The following ADNP variants were observed in gnomAD, a reference collection of about 807,000 sequenced individuals.
ADNP encodes the protein activity-dependent neuroprotector homeobox protein.
A neutral mutation model predicts 84.9 loss-of-function variants in ADNP; 4 were observed. The observed-to-expected ratio is 0.05, with a 90% confidence interval of 0.02 to 0.11. The LOEUF (loss-of-function observed/expected upper bound fraction) is 0.11. ADNP is among the 10% of genes least tolerant of loss of function. The pLI, the probability that ADNP is intolerant of heterozygous loss-of-function variation, is 1.00. For missense variants in ADNP, 1,132 were observed against 1,326.0 expected, an observed-to-expected ratio of 0.85 and a Z score of 2.27; for synonymous variants, 554 against 468.1, an observed-to-expected ratio of 1.18 and a Z score of -2.37.
At position 50,925,596 on chromosome 20, in the gene ADNP, T is replaced by C. The variant is rs190317874; in HGVS notation, c.-90+3055A>G. Among the ~76,000 whole-genome samples the C allele has an allele frequency of 2.6e-5, 4 of 152,294 alleles. No individual in the cohort carries two copies. In the East Asian group the frequency reaches 5.8e-4, roughly 22 times the overall value. On this transcript the variant is annotated intron_variant, in intron 2 of 5. Coordinates refer to ENST00000621696, the MANE Select transcript of ADNP (RefSeq NM_001282531.3). ...CATGGACGGTTTATCAAATAAAGTATCTCAACAATCAAGGTGGAAAGTGCC... is the reference window on the plus strand; with the variant it reads ...CATGGACGGTTTATCAAATAAAGTACCTCAACAATCAAGGTGGAAAGTGCC...
chr20:50,919,915 C>T (rs545798971), intron 2 of ADNP, among the ~76,000 whole-genome samples: 6 of 152,218 alleles, frequency 3.9e-5, no homozygotes, highest in African/African-American at 1.4e-4. Flanking sequence ...GCTGCCATGT[C>T]TGGTAGGCAC....
At chr20:50,894,667 G>A (rs1205264563) in intron 5 of ADNP, among the ~76,000 whole-genome samples, 155 bp from the exon 6 acceptor site, 1 of 152,082 alleles carries the variant, frequency 6.6e-6, no homozygotes, top group East Asian at 1.9e-4. Context: ...GGCTGAGGTG[G>A]GTGGATCACC....
At chr20:50,909,430 G>C (rs1982830062) in intron 2 of ADNP, 1 of 131,300 alleles carries the variant, frequency 7.6e-6, no homozygotes, top group African/African-American at 2.8e-5. Context: ...ACACCAAGGA[G>C]AACTAGCTCC....
intron 2 of ADNP, among the ~76,000 whole-genome samples, chr20:50,916,029 A>C (rs766433183): frequency 6.6e-6 from 1 of 152,234 alleles, no homozygotes; most frequent in Non-Finnish European, 1.5e-5. Flanking sequence ...TGATAATAAA[A>C]GATAACCAAA....
At chr20:50,918,591 G>A (rs13043652) in intron 2 of ADNP, among the ~76,000 whole-genome samples, 2 of 152,172 alleles carry the variant, frequency 1.3e-5, no homozygotes, top group African/African-American at 4.8e-5. Flanking sequence ...GGCAATGAAG[G>A]CCCTGATTCA....
At chr20:50,897,652 TCTCC>T (rs1174462582) in intron 5 of ADNP, among the ~76,000 whole-genome samples, 1 of 152,096 alleles carries the variant, frequency 6.6e-6, no homozygotes, top group African/African-American at 2.4e-5. Context: ...CTTCTCAGTG[TCTCC>T]CTAAGCTGCG....
intron 2 of ADNP, among the ~76,000 whole-genome samples, chr20:50,920,808 C>T (rs920086162): frequency 3.3e-5 from 5 of 152,146 alleles, no homozygotes; most frequent in Admixed American, 1.3e-4. Context: ...TACTATTTTC[C>T]TGGACAAAAA....
intron 5 of ADNP, among the ~76,000 whole-genome samples, chr20:50,900,656 A>G (rs1259139949): frequency 6.6e-6 from 1 of 152,262 alleles, no homozygotes; most frequent in Non-Finnish European, 1.5e-5. Context: ...GTGGTGAATG[A>G]CTGCGGTAAA....
At chr20:50,910,634 A>T (rs1053553469) in intron 2 of ADNP, among the ~76,000 whole-genome samples, 1 of 152,142 alleles carries the variant, frequency 6.6e-6, no homozygotes, top group African/African-American at 2.4e-5. Flanking sequence ...ATGCCATCTG[A>T]TGAACTACAT....
intron 4 of ADNP, among the ~76,000 whole-genome samples, chr20:50,903,127 AGGTAGCTAT>A (rs766189870): frequency 5.4e-4 from 82 of 152,340 alleles, no homozygotes; most frequent in Admixed American, 1.1e-3. Flanking sequence ...TGGATAAACA[AGGTAGCTAT>A]GTTCCCTAGC....
chr20:50,891,600 C>T lies in ADNP; in HGVS notation c.3114G>A (p.Gly1038=), dbSNP rs1980729912. The change falls in exon 6 of 6, where the codon GGG becomes GGA. Residue 1038 remains glycine, a synonymous_variant. Transcript: ENST00000621696. ...WKNSSYGKVE[G]FWSKDQSQWK... ...ACTGTGACTGGTCCTTAGACCAAAA[C>T]CCTTCAACTTTTCCATAGGAACTAT... 1 of 1,613,790 alleles carries T rather than the reference C, an allele frequency of 6.2e-7. No homozygotes were observed. The highest frequency in any genetic ancestry group is 8.5e-7 in the Non-Finnish European group (1 of 1,180,034).
chr20:50,919,976 C>T (rs1983832902), intron 2 of ADNP, among the ~76,000 whole-genome samples: 2 of 152,018 alleles, frequency 1.3e-5, no homozygotes, highest in African/African-American at 4.8e-5. Flanking sequence ...ATTCTAATGG[C>T]ACTTTAAGAG....
At position 50,894,085 on chromosome 20, in the gene ADNP, G is replaced by A; in HGVS notation, c.629C>T (p.Pro210Leu). ...CTCTTCTCGGGCATTCGAGCCTAAG[G>A]GGACTGCCCCATTGAGTGATTTTTC... ...AGEKSLNGAV[P>L]LGSNAREESS... The change falls in exon 6 of 6, where the codon CCC (proline) becomes CTC (leucine). Residue 210 changes from proline to leucine, a missense_variant. By Grantham distance (98) the Pro-to-Leu change is moderately conservative (BLOSUM62 -3). Transcript: ENST00000621696. 1 of 1,614,128 alleles carries A rather than the reference G, an allele frequency of 6.2e-7. No individual in the cohort carries two copies. Among genetic ancestry groups the A allele is most frequent in the Non-Finnish European group, 8.5e-7 (1 of 1,180,014 alleles).
intron 5 of ADNP, among the ~76,000 whole-genome samples, chr20:50,901,398 CAGATCATTAATGCAGA>C (rs1981971208): frequency 1.5e-5 from 2 of 136,036 alleles, no homozygotes; most frequent in Admixed American, 7.6e-5. Flanking sequence ...GATAGATGAA[CAGATCATTAATGCAGA>C]ATGAGAATCA....
At position 50,894,089 on chromosome 20, in the gene ADNP, C is replaced by G; in HGVS notation, c.625G>C (p.Val209Leu). ...KAGEKSLNGA[V>L]PLGSNAREES... Reference sequence around the variant, plus strand: ...TCTCGGGCATTCGAGCCTAAGGGGACTGCCCCATTGAGTGATTTTTCTCCT... The same window carrying G: ...TCTCGGGCATTCGAGCCTAAGGGGAGTGCCCCATTGAGTGATTTTTCTCCT... Residue 209 changes from valine (V) to leucine (L), a missense_variant, in exon 6 of 6, where the codon GTC becomes CTC. By Grantham distance (32) the Val-to-Leu change is conservative (BLOSUM62 1). This residue lies in a region of ADNP where 130 missense variants were observed against 183.7 expected (regional missense o/e 0.71). Transcript: ENST00000621696. The G allele has an allele frequency of 6.2e-7, 1 of 1,614,208 alleles. No individual in the cohort carries two copies. Among genetic ancestry groups the G allele is most frequent in the African/African-American group, 1.3e-5 (1 of 75,046 alleles).
intron 4 of ADNP, among the ~76,000 whole-genome samples, chr20:50,902,903 G>GAAGGGCTAC (rs947922544): frequency 1.1e-4 from 17 of 152,330 alleles, no homozygotes; most frequent in African/African-American, 4.1e-4. Context: ...TGGGGTTGGA[G>GAAGGGCTAC]AAGGGCTACT....
chr20:50,896,854 A>G (rs1031795389), intron 5 of ADNP, among the ~76,000 whole-genome samples: 1 of 152,146 alleles, frequency 6.6e-6, no homozygotes, highest in Non-Finnish European at 1.5e-5. Context: ...TTTTCATCAT[A>G]GATTTGATTG....
At chr20:50,928,212 A>C (rs1300020287) in intron 2 of ADNP, among the ~76,000 whole-genome samples, 1 of 152,208 alleles carries the variant, frequency 6.6e-6, no homozygotes, top group Non-Finnish European at 1.5e-5. Flanking sequence ...CCATAAACTT[A>C]TCTTGGTGTA....
intron 5 of ADNP, among the ~76,000 whole-genome samples, chr20:50,895,911 T>C (rs561340158): frequency 6.6e-5 from 10 of 152,328 alleles, no homozygotes; most frequent in Admixed American, 6.5e-4. Flanking sequence ...GACTCTTTTG[T>C]AGTAATACTT....
Sources: gnomAD v4.1 joint callset for allele counts (sites outside exome capture counted in the v4.1 genomes callset) on GRCh38, gnomAD v4.1.1 for gene constraint, gnomAD v4.1.1 regional missense constraint, MANE v1.5 for transcripts, NCBI Gene and HGNC (gene_info 2026-07-23, HGNC 2026-07-21) for gene names.